The following DCUN1D4 variants were observed in gnomAD, a reference collection of about 807,000 sequenced individuals.
DCUN1D4 encodes defective in cullin neddylation 1 domain containing 4, also known as DCN1-like protein 4.
In DCUN1D4, 22 loss-of-function variants were observed where a neutral mutation model predicts 47.9. The observed-to-expected ratio is 0.46, with a 90% confidence interval of 0.33 to 0.66. The LOEUF is 0.66. Among genes scored for constraint, DCUN1D4 ranks in the 30% least tolerant of loss-of-function variants. The pLI is 0.02. For synonymous variants in DCUN1D4, 121 were observed against 112.2 expected (o/e 1.08, Z -0.50); for missense variants, 301 against 340.8 (o/e 0.88, Z 0.92).
At chr4:51,866,409 TGTA>T (rs1725922484) in intron 3 of DCUN1D4, among the ~76,000 whole-genome samples, 3 of 57,734 alleles carry the variant, frequency 5.2e-5, no homozygotes, top group African/African-American at 5.2e-4. Flanking sequence ...ATGATGATGA[TGTA>T]TTTTTTCCTT....
intron 8 of DCUN1D4, among the ~76,000 whole-genome samples, chr4:51,901,230 C>G (rs1226604270): frequency 2.6e-5 from 4 of 152,174 alleles, no homozygotes; most frequent in East Asian, 1.9e-4. Flanking sequence ...CCCAGCACTT[C>G]CCTGTGTATA....
chr4:51,856,231 G>A (rs1430858822), intron 1 of DCUN1D4, among the ~76,000 whole-genome samples: 5 of 151,860 alleles, frequency 3.3e-5, no homozygotes, highest in Non-Finnish European at 7.4e-5. Flanking sequence ...CATTTTCATC[G>A]TCACTTGAAA....
chr4:51,904,256 A>G (rs1397415135), intron 8 of DCUN1D4, among the ~76,000 whole-genome samples: 1 of 152,134 alleles, frequency 6.6e-6, no homozygotes, highest in Non-Finnish European at 1.5e-5. Flanking sequence ...ATTCTACCCA[A>G]TGCCTTGTGT....
At chr4:51,843,329 C>A (rs1473671667) in intron 1 of DCUN1D4, 62 bp downstream of exon 1, 4 of 1,481,572 alleles carry the variant, frequency 2.7e-6, no homozygotes, top group Non-Finnish European at 3.6e-6. Flanking sequence ...CGCCACTCGG[C>A]TCCCGCAGTC....
chr4:51,857,361 T>TA (rs1163272290), intron 1 of DCUN1D4, among the ~76,000 whole-genome samples: 1 of 152,174 alleles, frequency 6.6e-6, no homozygotes. Context: ...GTCATCTCCA[T>TA]AAATGGCCAC....
At chr4:51,865,617 A>G (rs965475052) in intron 3 of DCUN1D4, 2 of 152,226 alleles carry the variant, frequency 1.3e-5, no homozygotes, top group African/African-American at 4.8e-5. Context: ...ATATATGTTT[A>G]TAGTCGTGGT....
intron 1 of DCUN1D4, chr4:51,843,746 A>T: frequency 2.2e-6 from 2 of 916,746 alleles, no homozygotes; most frequent in Non-Finnish European, 2.5e-6. Context: ...AAGGCGGGTG[A>T]GTGCGAGGGG....
Position 51,886,625 on chromosome 4 carries a change from T to C in DCUN1D4, c.401T>C (p.Val134Ala), listed in dbSNP as rs776560338. ...GAGAAATTTTGTGAAGACATTGGTG[T>C]TGAACCAGAAAACGTGAGTCAAACT... ...GMEKFCEDIG[V>A]EPENVVMLVL... Residue 134 changes from valine (V) to alanine (A), a missense_variant, in exon 6 of 11, where the codon GTT becomes GCT. Physicochemically the swap from Val to Ala is moderately conservative, Grantham distance 64 (BLOSUM62 0). Coordinates refer to ENST00000334635, the MANE Select transcript of DCUN1D4 (RefSeq NM_001040402.3). The C allele has an allele frequency of 6.2e-7, 1 of 1,613,866 alleles. No individual in the cohort carries two copies. The highest frequency in any genetic ancestry group is 8.5e-7 in the Non-Finnish European group (1 of 1,179,920).
intron 6 of DCUN1D4, among the ~76,000 whole-genome samples, chr4:51,891,057 G>A (rs975739219): frequency 6.6e-6 from 1 of 152,204 alleles, no homozygotes; most frequent in Non-Finnish European, 1.5e-5. Flanking sequence ...AGTGGAATGT[G>A]GGGCTACTTT....
chr4:51,854,662 T>C (rs897283590), intron 1 of DCUN1D4, among the ~76,000 whole-genome samples: 3 of 152,228 alleles, frequency 2.0e-5, no homozygotes, highest in Non-Finnish European at 4.4e-5. Context: ...TCAGCCCACT[T>C]TGTTCTGGTC....
At chr4:51,898,070 C>T (rs935750421) in intron 7 of DCUN1D4, among the ~76,000 whole-genome samples, 2 of 152,184 alleles carry the variant, frequency 1.3e-5, no homozygotes, top group Non-Finnish European at 2.9e-5. Flanking sequence ...GTATGTCCTC[C>T]TTGTGAGGTC....
intron 5 of DCUN1D4, among the ~76,000 whole-genome samples, chr4:51,883,611 G>A (rs565788848): frequency 6.6e-5 from 10 of 152,314 alleles, no homozygotes; most frequent in African/African-American, 1.9e-4. Flanking sequence ...AGAAAGAAAC[G>A]AGGAGTGTAA....
chr4:51,876,875 T>C (rs923963759), intron 4 of DCUN1D4, among the ~76,000 whole-genome samples: 3 of 152,200 alleles, frequency 2.0e-5, no homozygotes, highest in African/African-American at 7.2e-5. Context: ...ACTGTATTTA[T>C]AAATGCTTAT....
rs770642565 is a variant in DCUN1D4, at chr4:51,886,676, T to G, written c.414+38T>G. 12 of 1,514,358 alleles carry G rather than the reference T, an allele frequency of 7.9e-6. No homozygotes were observed. The African/African-American group carries it at 1.3e-4, about 16-fold the overall frequency. 93.8% of individuals were successfully genotyped at this position (1,514,358 alleles called of 1,614,324 possible). On this transcript the variant is annotated intron_variant, in intron 6 of 10. Coordinates refer to ENST00000334635, the MANE Select transcript of DCUN1D4 (RefSeq NM_001040402.3). The stretch of plus-strand genomic sequence containing the variant: ...TACTGAGTTGGGTGAATCAGTTGGT[T>G]GTTTTTCATACTTAAATCTTTGTTC...
rs1297828048 is a variant in DCUN1D4, at chr4:51,843,159, G to T, written c.-84G>T. On this transcript the variant is annotated 5_prime_UTR_variant, in exon 1 of 11. Coordinates refer to ENST00000334635, the MANE Select transcript of DCUN1D4 (RefSeq NM_001040402.3). Reference sequence around the variant, plus strand: ...TGCCCGGCGGCGGGTCCTCAGCTTCGAGCCGAGGTGCAGTGAGCTGGTGGG... The same window carrying T: ...TGCCCGGCGGCGGGTCCTCAGCTTCTAGCCGAGGTGCAGTGAGCTGGTGGG... 7.0e-5 allele frequency: 106 copies of T among 1,523,320 alleles called. No individual in the cohort carries two copies. The highest frequency in any genetic ancestry group is 6.3e-4 in the Middle Eastern group (3 of 4,772). The allele number at this position is 1,523,320 out of a possible 1,614,324, so 94.4% of individuals were successfully genotyped here.
At chr4:51,834,114 C>CTTTTTTTTTTTTT in the DCUN1D4 span, among the ~76,000 whole-genome samples, 3 of 37,204 alleles carry the variant, frequency 8.1e-5, no homozygotes, top group African/African-American at 3.2e-4. Flanking sequence ...TTTTTTTTTT[C>CTTTTTTTTTTTTT]TTTTTTTTTT....
the DCUN1D4 span, among the ~76,000 whole-genome samples, chr4:51,835,140 G>A: frequency 2.0e-5 from 3 of 152,178 alleles, no homozygotes; most frequent in Non-Finnish European, 4.4e-5. Context: ...TAGCGGGTGG[G>A]CAAGCAGCCC....
chr4:51,866,127 G>A (rs554685684), intron 3 of DCUN1D4, among the ~76,000 whole-genome samples: 2 of 152,186 alleles, frequency 1.3e-5, no homozygotes, highest in African/African-American at 4.8e-5. Context: ...AGGAGTTCAG[G>A]GGTACTAAGG....
At chr4:51,875,533 T>C (rs1282322689) in intron 4 of DCUN1D4, among the ~76,000 whole-genome samples, 1 of 152,208 alleles carries the variant, frequency 6.6e-6, no homozygotes, top group Non-Finnish European at 1.5e-5. Flanking sequence ...ATAAAGTTCA[T>C]CCATTTTAAG....
Sources: gnomAD v4.1 joint callset for allele counts (sites outside exome capture counted in the v4.1 genomes callset) on GRCh38, gnomAD v4.1.1 for gene constraint, MANE v1.5 for transcripts, NCBI Gene and HGNC (gene_info 2026-07-23, HGNC 2026-07-21) for gene names.